Variants in FMN1 observed in about 807,000 individuals in gnomAD.
FMN1 encodes formin 1.
In FMN1, 110 loss-of-function variants were observed where a neutral mutation model predicts 132.4. That is an observed-to-expected ratio of 0.83 (90% confidence interval 0.71 to 0.97). FMN1 has a LOEUF of 0.97. Among genes scored for constraint, FMN1 ranks in the 50% least tolerant of loss-of-function variants. The probability of loss-of-function intolerance (pLI) is 0.00; values close to 1 mark genes in which losing one functional copy is unlikely to be tolerated. For missense variants in FMN1, 1,792 were observed against 1,705.3 expected, an observed-to-expected ratio of 1.05 and a Z score of -0.90; for synonymous variants, 722 against 651.7, an observed-to-expected ratio of 1.11 and a Z score of -1.64.
chr15:33,029,980 A>G (rs527687081), intron 6 of FMN1, among the ~76,000 whole-genome samples: 12 of 152,214 alleles, frequency 7.9e-5, no homozygotes, highest in African/African-American at 2.6e-4. Flanking sequence ...ACAGGGTGAA[A>G]CCCCGTCTCT....
In FMN1 at chr15:33,184,235, A is replaced by G. The variant is rs1335876951; in HGVS notation, c.-196-3973T>C. Among the ~76,000 whole-genome samples the G allele has an allele frequency of 2.0e-5, 3 of 152,354 alleles. No individual in the cohort carries two copies. The East Asian group carries it at 5.8e-4, about 29-fold the overall frequency. On this transcript the variant is annotated intron_variant, in intron 2 of 20. Transcript: ENST00000616417. Reference sequence around the variant, plus strand: ...TTACCTAAGGTTAACAATTGGAATGATAGTATTTGAGATTTTTAAAATTTA... The same window carrying G: ...TTACCTAAGGTTAACAATTGGAATGGTAGTATTTGAGATTTTTAAAATTTA...
rs533699379 is a variant in FMN1, at chr15:32,783,744, CAAAAAAAAAAA to C, written c.4131-6836_4131-6826del. Among the ~76,000 whole-genome samples the C allele has an allele frequency of 3.6e-4, 23 of 64,248 alleles. 1 individual carries two copies. The highest frequency in any genetic ancestry group is 7.5e-4 in the African/African-American group (13 of 17,408). The allele number at this position is 64,248 out of a possible 152,430, so 42.1% of individuals were successfully genotyped here. The stretch of plus-strand genomic sequence containing the variant: ...TGGGCGACAGAGCGAGACTCTGTTT[CAAAAAAAAAAA>C]AAAAAAAAAAAAAAAAAAAAAAAAA... On this transcript the variant is annotated intron_variant, in intron 19 of 20. Transcript: ENST00000616417.
At chr15:33,193,019 A>C (rs1185801477) in intron 2 of FMN1, among the ~76,000 whole-genome samples, 1 of 152,198 alleles carries the variant, frequency 6.6e-6, no homozygotes, top group Non-Finnish European at 1.5e-5. Context: ...GAGTTTAGCC[A>C]TTACAATATA....
In FMN1 at chr15:32,857,107, G is replaced by T; in HGVS notation, c.3836C>A (p.Ala1279Glu). The change falls in exon 17 of 21, where the codon GCA (alanine) becomes GAA (glutamate). Residue 1279 changes from alanine to glutamate, a missense_variant and splice_region_variant. Ala to Glu is a moderately radical substitution (Grantham distance 107). Transcript: ENST00000616417. Reference protein sequence around the residue: ...DLRKLKRQLEASEKQMVVVCK... With the variant: ...DLRKLKRQLEESEKQMVVVCK... ...CACCACCACCATCTGTTTCTCACTT[G>T]CTGTGAAGAGAAATTTAGAATTAGA... is the stretch of plus-strand genomic sequence containing the variant. 2.5e-6 allele frequency: 4 copies of T among 1,610,846 alleles called. No individual in the cohort carries two copies. Among genetic ancestry groups the T allele is most frequent in the Non-Finnish European group, 2.5e-6 (3 of 1,177,076 alleles).
intron 14 of FMN1, chr15:32,899,703 C>A (rs2060248244): frequency 4.3e-6 from 2 of 462,446 alleles, no homozygotes; most frequent in Non-Finnish European, 7.6e-6. Flanking sequence ...TGTTCTCTCA[C>A]TGAGTAGCAG....
At chr15:32,869,519 G>A (rs1596132869) in intron 16 of FMN1, among the ~76,000 whole-genome samples, 1 of 152,322 alleles carries the variant, frequency 6.6e-6, no homozygotes, top group East Asian at 1.9e-4. Flanking sequence ...AGACACTCAA[G>A]TATATATAAA....
chr15:32,792,318 G>A (rs148581022), intron 19 of FMN1, among the ~76,000 whole-genome samples: 1,867 of 150,838 alleles, frequency 0.012, 42 homozygotes, highest in African/African-American at 0.043. Flanking sequence ...GGTGGCAGAC[G>A]CCTGTAGTCC....
intron 19 of FMN1, among the ~76,000 whole-genome samples, chr15:32,786,006 A>AATGGAT (rs1440066343): frequency 6.6e-6 from 1 of 152,224 alleles, no homozygotes; most frequent in Non-Finnish European, 1.5e-5. Context: ...TGGTCTAAAA[A>AATGGAT]ATGGATACGG....
rs187284841 is a variant in FMN1 at position 32,848,939 on chromosome 15, G to A, written c.3928+8076C>T. On this transcript the variant is annotated intron_variant, in intron 17 of 20. Transcript: ENST00000616417. ...GCAACCTGTATGGGTGTTATGGTGA[G>A]GACCAGCTGAATATCAGTCTTGGGT... is the stretch of plus-strand genomic sequence containing the variant. Among the ~76,000 whole-genome samples, 432 of 150,922 alleles carry A rather than the reference G, an allele frequency of 2.9e-3. 5 individuals carry two copies. Among genetic ancestry groups the A allele is most frequent in the African/African-American group, 1.0e-2 (411 of 41,202 alleles).
At chr15:32,974,198 T>C (rs2032016666) in intron 7 of FMN1, among the ~76,000 whole-genome samples, 1 of 152,208 alleles carries the variant, frequency 6.6e-6, no homozygotes, top group African/African-American at 2.4e-5. Flanking sequence ...TTAGGACATA[T>C]AAAGAAAGTC....
At chr15:33,010,839 C>A (rs2034675002) in intron 6 of FMN1, among the ~76,000 whole-genome samples, 1 of 151,176 alleles carries the variant, frequency 6.6e-6, no homozygotes, top group Admixed American at 6.6e-5. Context: ...AGAAAAAACT[C>A]AACAGAAATA....
intron 19 of FMN1, 105 bp downstream of exon 19, chr15:32,798,699 G>A (rs561099227): frequency 2.0e-5 from 22 of 1,082,072 alleles, no homozygotes; most frequent in East Asian, 2.7e-5. Flanking sequence ...CACTTCATCC[G>A]AAAGAAAACA....
At chr15:33,189,325 T>C (rs1387153161) in intron 2 of FMN1, among the ~76,000 whole-genome samples, 1 of 152,164 alleles carries the variant, frequency 6.6e-6, no homozygotes, top group Non-Finnish European at 1.5e-5. Flanking sequence ...TGATGCCAAT[T>C]CTGTAGATGA....
At chr15:33,143,222 TAGTTA>T (rs1349931880) in intron 4 of FMN1, among the ~76,000 whole-genome samples, 1 of 152,194 alleles carries the variant, frequency 6.6e-6, no homozygotes, top group East Asian at 1.9e-4. Context: ...GTTTCAAGGT[TAGTTA>T]AAAATAAAAA....
intron 4 of FMN1, among the ~76,000 whole-genome samples, chr15:33,148,892 A>G (rs113665982): frequency 3.3e-5 from 5 of 152,060 alleles, no homozygotes; most frequent in African/African-American, 9.7e-5. Flanking sequence ...TATATTCTCA[A>G]TGCTAAAATT....
rs74012452 is a variant in FMN1, at chr15:33,000,646, A to G, written c.2223+7368T>C. Among the ~76,000 whole-genome samples, 443 of 152,158 alleles carry G rather than the reference A, an allele frequency of 2.9e-3. 3 individuals carry two copies. Among genetic ancestry groups the G allele is most frequent in the African/African-American group, 0.01 (419 of 41,524 alleles). On this transcript the variant is annotated intron_variant, in intron 7 of 20. Transcript: ENST00000616417. ...AACAAGATAAAATAATAAATAAAGG[A>G]TGCAACCAGAACTCAGGAAGTGGAT...
chr15:33,112,226 GGTATA>G (rs2039734728), intron 4 of FMN1, among the ~76,000 whole-genome samples: 2 of 152,016 alleles, frequency 1.3e-5, no homozygotes, highest in South Asian at 2.1e-4. Context: ...AAATTATAAA[GGTATA>G]ATTAAAGAGA....
At chr15:32,821,640 T>C (rs2058221439) in intron 17 of FMN1, among the ~76,000 whole-genome samples, 1 of 151,764 alleles carries the variant, frequency 6.6e-6, no homozygotes, top group Non-Finnish European at 1.5e-5. Flanking sequence ...TTAGTAGAGA[T>C]GGGGTTTCAC....
intron 2 of FMN1, among the ~76,000 whole-genome samples, chr15:33,186,960 C>T (rs933492104): frequency 2.0e-5 from 3 of 152,142 alleles, no homozygotes; most frequent in African/African-American, 7.2e-5. Flanking sequence ...GAAGACATTC[C>T]ATCTGGCCCA....
Sources: gnomAD v4.1 joint callset for allele counts (sites outside exome capture counted in the v4.1 genomes callset) on GRCh38, gnomAD v4.1.1 for gene constraint, MANE v1.5 for transcripts, NCBI Gene and HGNC (gene_info 2026-07-23, HGNC 2026-07-21) for gene names.